TSHZ2: variants seen among roughly 807,000 people sequenced by gnomAD.
TSHZ2 encodes teashirt homolog 2.
Under a neutral mutation model 74.4 loss-of-function variants are expected in TSHZ2, and 21 were observed. The observed-to-expected ratio is 0.28, with a 90% CI of 0.20 to 0.41. The LOEUF is 0.41. Among genes scored for constraint, TSHZ2 ranks in the 10% least tolerant of loss-of-function variants. The pLI is 1.00. For synonymous variants in TSHZ2, 540 were observed against 515.3 expected, an observed-to-expected ratio of 1.05 and a Z score of -0.65; for missense variants, 1,244 against 1,293.5, an observed-to-expected ratio of 0.96 and a Z score of 0.59.
chr20:53,460,427 G>T (rs1029442049), intron 2 of TSHZ2, among the ~76,000 whole-genome samples: 2 of 152,102 alleles, frequency 1.3e-5, no homozygotes, highest in Non-Finnish European at 2.9e-5. Flanking sequence ...CTCTGTATTG[G>T]TTATTCTAGT....
intron 2 of TSHZ2, among the ~76,000 whole-genome samples, chr20:53,326,574 C>A (rs996348669): frequency 1.3e-5 from 2 of 152,120 alleles, no homozygotes; most frequent in African/African-American, 2.4e-5. Flanking sequence ...CTAGAAAGCC[C>A]CCCCGGCAAC....
chr20:53,204,760 T>C (rs2123590164), intron 1 of TSHZ2, among the ~76,000 whole-genome samples: 1 of 152,236 alleles, frequency 6.6e-6, no homozygotes, highest in South Asian at 2.1e-4. Flanking sequence ...CCCCATTTTA[T>C]AGATGTGAAC....
intron 1 of TSHZ2, among the ~76,000 whole-genome samples, chr20:53,051,212 G>A (rs1432624612): frequency 5.3e-5 from 8 of 152,028 alleles, no homozygotes; most frequent in Admixed American, 1.3e-4. Context: ...GGTGGCTGGC[G>A]CCTGTAATCC....
chr20:53,268,904 T>C (rs1031768226), intron 2 of TSHZ2, among the ~76,000 whole-genome samples: 3 of 152,238 alleles, frequency 2.0e-5, no homozygotes, highest in Non-Finnish European at 4.4e-5. Context: ...CAGGGCCACT[T>C]ACTGTTGGAG....
chr20:53,358,118 C>T (rs939601441), intron 2 of TSHZ2, among the ~76,000 whole-genome samples: 3 of 152,112 alleles, frequency 2.0e-5, no homozygotes, highest in African/African-American at 7.2e-5. Flanking sequence ...AGCACACGAA[C>T]ACTCTGGCTC....
chr20:53,131,188 A>G lies in TSHZ2; in HGVS notation c.41-122311A>G, dbSNP rs147673374. Among the ~76,000 whole-genome samples the G allele has an allele frequency of 3.9e-5, 6 of 152,360 alleles. No individual in the cohort carries two copies. In the East Asian group the frequency reaches 9.6e-4, roughly 24 times the overall value. On this transcript the variant is annotated intron_variant, in intron 1 of 2. Coordinates refer to ENST00000371497, the MANE Select transcript of TSHZ2 (RefSeq NM_173485.6). ...TGTGTTTTGTTTTTTTGTGAAACAC[A>G]AGAAAGTCACCAGGACATCTGTGTG...
At chr20:53,383,592 T>C (rs988878359) in intron 2 of TSHZ2, among the ~76,000 whole-genome samples, 4 of 151,942 alleles carry the variant, frequency 2.6e-5, no homozygotes, top group African/African-American at 9.7e-5. Context: ...AAACCCCATC[T>C]CTACTAAAAA....
At chr20:53,125,774 G>C (rs1197418886) in intron 1 of TSHZ2, among the ~76,000 whole-genome samples, 1 of 152,092 alleles carries the variant, frequency 6.6e-6, no homozygotes, top group Non-Finnish European at 1.5e-5. Flanking sequence ...TTGTAGATGA[G>C]CTTCTTTATT....
intron 2 of TSHZ2, among the ~76,000 whole-genome samples, chr20:53,480,486 G>T (rs1986120414): frequency 6.6e-6 from 1 of 151,606 alleles, no homozygotes; most frequent in Non-Finnish European, 1.5e-5. Context: ...AGGTTCACTT[G>T]AGCCCAGGAG....
chr20:53,181,455 C>T (rs1043206380), intron 1 of TSHZ2, among the ~76,000 whole-genome samples: 3 of 152,146 alleles, frequency 2.0e-5, no homozygotes, highest in African/African-American at 7.2e-5. Flanking sequence ...AGAAGTTCAG[C>T]ATCTCTCTTG....
chr20:53,190,740 G>T (rs1988717766), intron 1 of TSHZ2, among the ~76,000 whole-genome samples: 1 of 152,166 alleles, frequency 6.6e-6, no homozygotes, highest in South Asian at 2.1e-4. Context: ...CTTCCAGGTA[G>T]CTGAACACCG....
intron 2 of TSHZ2, among the ~76,000 whole-genome samples, chr20:53,352,368 AG>A (rs1980681879): frequency 6.6e-6 from 1 of 150,978 alleles, no homozygotes; most frequent in Non-Finnish European, 1.5e-5. Flanking sequence ...CTATTCTTAC[AG>A]GGTCCAATGA....
chr20:53,461,263 G>A (rs112091011), intron 2 of TSHZ2, among the ~76,000 whole-genome samples: 3,091 of 152,314 alleles, frequency 0.02, 80 homozygotes, highest in African/African-American at 0.056. Flanking sequence ...TTTTAAGCCC[G>A]TCAGAAAAGC....
At chr20:53,485,145 G>A (rs771104429) in intron 2 of TSHZ2, among the ~76,000 whole-genome samples, 40 of 152,258 alleles carry the variant, frequency 2.6e-4, no homozygotes, top group Non-Finnish European at 4.9e-4. Flanking sequence ...TCTTTTGACA[G>A]GAATTCCACA....
At chr20:53,176,583 T>A (rs1263667007) in intron 1 of TSHZ2, among the ~76,000 whole-genome samples, 1 of 152,188 alleles carries the variant, frequency 6.6e-6, no homozygotes, top group African/African-American at 2.4e-5. Flanking sequence ...AACTCCCTAA[T>A]TATTTCACAG....
In TSHZ2 at chr20:53,255,409, C is replaced by T. The variant is rs1344113746; in HGVS notation, c.1951C>T (p.Leu651=). 4 of 1,613,620 alleles carry T rather than the reference C, an allele frequency of 2.5e-6. No individual in the cohort carries two copies. The highest frequency in any genetic ancestry group is 3.4e-6 in the Non-Finnish European group (4 of 1,180,008). The change falls in exon 2 of 3, where the codon CTG becomes TTG. Residue 651 remains leucine (L), a synonymous_variant. Transcript: ENST00000371497. The surrounding 1 kb of genome is among the most constrained non-coding windows in gnomAD (Gnocchi z 4.1). ...AGCCAAAAAGACCGAGCTGGGTCCCCTGAAGGAGGAGGAGAAGCTGATGAA... is the reference window on the plus strand; with the variant it reads ...AGCCAAAAAGACCGAGCTGGGTCCCTTGAAGGAGGAGGAGAAGCTGATGAA... ...PEAKKTELGP[L]KEEEKLMKEG...
At chr20:53,430,235 G>A (rs1410543289) in intron 2 of TSHZ2, among the ~76,000 whole-genome samples, 1 of 151,988 alleles carries the variant, frequency 6.6e-6, no homozygotes, top group Non-Finnish European at 1.5e-5. Flanking sequence ...CTCCCGAGAA[G>A]CTGGGACTAC....
rs148868672 is a variant in TSHZ2 at position 53,358,417 on chromosome 20, G to A, written c.*8+101846G>A. On this transcript the variant is annotated intron_variant, in intron 2 of 2. Transcript: ENST00000371497. ...GTGCAGTGGCAGGATCTCGACTCAC[G>A]GCAACTTCCGCCACTCAGGTTCAAG... Among the ~76,000 whole-genome samples the A allele has an allele frequency of 4.1e-3, 556 of 135,730 alleles. 18 individuals carry two copies. Among genetic ancestry groups the A allele is most frequent in the East Asian group, 0.035 (150 of 4,306 alleles). 89.0% of individuals were successfully genotyped at this position (135,730 alleles called of 152,430 possible).
chr20:53,163,350 CTCTCTG>C (rs1464963886), intron 1 of TSHZ2, among the ~76,000 whole-genome samples: 1 of 126,956 alleles, frequency 7.9e-6, no homozygotes, highest in African/African-American at 2.9e-5. Context: ...TGCACGCACG[CTCTCTG>C]TCTCTTTTTT....
Sources: allele counts gnomAD v4.1 joint callset (sites outside exome capture counted in the v4.1 genomes callset), GRCh38; gene constraint gnomAD v4.1.1; non-coding constraint Gnocchi (gnomAD v3.1); transcripts MANE v1.5; gene names NCBI Gene and HGNC (gene_info 2026-07-23, HGNC 2026-07-21).